TSEN15: variants seen among roughly 807,000 people sequenced by gnomAD.
The protein encoded by TSEN15 is tRNA splicing endonuclease subunit 15.
In TSEN15, 10 loss-of-function variants were observed where a neutral mutation model predicts 20.5. That is an observed-to-expected ratio of 0.49 (90% CI 0.30 to 0.83). The LOEUF (loss-of-function observed/expected upper bound fraction) is 0.83. Among genes scored for constraint, TSEN15 ranks in the 40% least tolerant of loss-of-function variants. The pLI is 0.06. For synonymous variants in TSEN15, 72 were observed against 80.1 expected (o/e 0.90, Z 0.54); for missense variants, 180 against 218.6 (o/e 0.82, Z 1.11).
intron 3 of TSEN15, among the ~76,000 whole-genome samples, chr1:184,064,493 A>G (rs1650576635): frequency 6.6e-6 from 1 of 152,060 alleles, no homozygotes; most frequent in Non-Finnish European, 1.5e-5. Context: ...AGATATGGGA[A>G]TGATGGGAAA....
chr1:184,080,007 T>TA (rs1353048097), intron 3 of TSEN15, among the ~76,000 whole-genome samples: 1 of 152,172 alleles, frequency 6.6e-6, no homozygotes, highest in Non-Finnish European at 1.5e-5. Context: ...TTTAACAACT[T>TA]ATGATAAATA....
Position 184,073,264 on chromosome 1 carries a change from G to A in TSEN15, c.*417G>A, listed in dbSNP as rs148292967. ...GTGCCTTTTGGCCACTGCAGCTACC[G>A]TAGAATGGCATTTTATATGTACCTT... On this transcript the variant is annotated 3_prime_UTR_variant, in exon 5 of 5. Transcript: ENST00000645668. 3.1e-3 allele frequency: 504 copies of A among 161,720 alleles called. 2 individuals are homozygous for A. The highest frequency in any genetic ancestry group is 7.4e-3 in the African/African-American group (309 of 41,958). 10.0% of individuals were successfully genotyped at this position (161,720 alleles called of 1,614,324 possible).
chr1:184,065,115 G>T (rs1036408706), intron 3 of TSEN15, among the ~76,000 whole-genome samples: 1 of 151,548 alleles, frequency 6.6e-6, no homozygotes, highest in African/African-American at 2.4e-5. Context: ...TTTTCTTTTT[G>T]TCAATAAATG....
chr1:184,060,661 C>T (rs35921408), intron 3 of TSEN15, among the ~76,000 whole-genome samples: 3,720 of 152,262 alleles, frequency 0.024, 77 homozygotes, highest in Admixed American at 0.061. Flanking sequence ...TAGTGGTATA[C>T]GGGGTGTTTG....
At chr1:184,064,835 G>A (rs1172999170) in intron 3 of TSEN15, among the ~76,000 whole-genome samples, 1 of 152,162 alleles carries the variant, frequency 6.6e-6, no homozygotes, top group Non-Finnish European at 1.5e-5. Context: ...GGGGATTTGA[G>A]GAGGTTAAGT....
intron 3 of TSEN15, among the ~76,000 whole-genome samples, chr1:184,061,583 T>A (rs1398463827): frequency 6.6e-6 from 1 of 152,194 alleles, no homozygotes; most frequent in Non-Finnish European, 1.5e-5. Flanking sequence ...AGTATTTCCC[T>A]AGTGATGACA....
At chr1:184,056,057 T>C (rs2102879078) in intron 3 of TSEN15, among the ~76,000 whole-genome samples, 1 of 152,252 alleles carries the variant, frequency 6.6e-6, no homozygotes, top group South Asian at 2.1e-4. Context: ...TGTGCATTTT[T>C]TGAGCTGCCA....
intron 3 of TSEN15, among the ~76,000 whole-genome samples, chr1:184,063,955 T>C (rs1291625336): frequency 1.3e-5 from 2 of 152,220 alleles, no homozygotes; most frequent in East Asian, 3.8e-4. Context: ...AATTATATAC[T>C]ACCTAGAGGC....
At chr1:184,088,282 G>A (rs774221050) in intron 3 of TSEN15, among the ~76,000 whole-genome samples, 5 of 152,166 alleles carry the variant, frequency 3.3e-5, no homozygotes, top group African/African-American at 1.2e-4. Context: ...AGCTCACTGA[G>A]GGGAGTAGGA....
exon 4 of TSEN15, chr1:184,096,077 C>T (rs1319285555): frequency 1.7e-5 from 4 of 240,026 alleles, no homozygotes; most frequent in African/African-American, 8.9e-5. Flanking sequence ...TCTGCAAATC[C>T]ACTTTGAGCT....
chr1:184,063,564 C>G (rs959355163), intron 3 of TSEN15, among the ~76,000 whole-genome samples: 3 of 152,072 alleles, frequency 2.0e-5, no homozygotes, highest in African/African-American at 7.2e-5. Flanking sequence ...ATGTTGTTTT[C>G]AAAAGAATGT....
intron 3 of TSEN15, among the ~76,000 whole-genome samples, chr1:184,061,754 A>G (rs1468522529): frequency 6.6e-6 from 1 of 152,154 alleles, no homozygotes; most frequent in Non-Finnish European, 1.5e-5. Context: ...GTGCTATTCT[A>G]AGAATGCCTG....
chr1:184,077,248 C>T (rs1158840041), downstream of TSEN15, among the ~76,000 whole-genome samples: 1 of 152,176 alleles, frequency 6.6e-6, no homozygotes, highest in East Asian at 1.9e-4. Context: ...GAATTACGCC[C>T]AATCTACTCT....
At chr1:184,093,184 A>G (rs16822422) in intron 3 of TSEN15, among the ~76,000 whole-genome samples, 1,669 of 152,314 alleles carry the variant, frequency 0.011, 27 homozygotes, top group African/African-American at 0.038. Flanking sequence ...AAGAGATGAT[A>G]TTGAGTTGCA....
intron 3 of TSEN15, among the ~76,000 whole-genome samples, chr1:184,087,621 CAGAACATCCCATGTG>C (rs1256980698): frequency 1.1e-4 from 16 of 152,296 alleles, no homozygotes; most frequent in African/African-American, 3.1e-4. Flanking sequence ...AGGAGACTTT[CAGAACATCCCATGTG>C]AGAGCTTGAA....
intron 3 of TSEN15, among the ~76,000 whole-genome samples, chr1:184,066,648 C>T (rs1038087131): frequency 9.9e-5 from 15 of 152,128 alleles, no homozygotes; most frequent in African/African-American, 2.7e-4. Flanking sequence ...TCAAGTGATC[C>T]GCCTGCCTTA....
downstream of TSEN15, chr1:184,074,332 C>T (rs1295905393): frequency 6.6e-6 from 1 of 152,144 alleles, no homozygotes; most frequent in Non-Finnish European, 1.5e-5. Context: ...GACCCGGGCA[C>T]AGATTAGTTG....
At chr1:184,083,178 A>T (rs6657189) in intron 3 of TSEN15, among the ~76,000 whole-genome samples, 3,980 of 152,146 alleles carry the variant, frequency 0.026, 177 homozygotes, top group African/African-American at 0.089. Context: ...CACCCCATCC[A>T]ATTCCTGCCA....
chr1:184,065,496 C>A (rs919325545), intron 3 of TSEN15, among the ~76,000 whole-genome samples: 2 of 152,074 alleles, frequency 1.3e-5, no homozygotes, highest in African/African-American at 2.4e-5. Context: ...CATAAACATA[C>A]CCTATGCTTC....
Sources: allele counts gnomAD v4.1 joint callset (sites outside exome capture counted in the v4.1 genomes callset), GRCh38; gene constraint gnomAD v4.1.1; transcripts MANE v1.5; gene names NCBI Gene and HGNC (gene_info 2026-07-23, HGNC 2026-07-21).